Variants in AKR1B10 observed in about 807,000 individuals in gnomAD.
The protein encoded by AKR1B10 is ARP.
A neutral mutation model predicts 38.9 loss-of-function variants in AKR1B10; 39 were observed. That is an observed-to-expected ratio of 1.00 (90% confidence interval 0.78 to 1.31). The LOEUF (loss-of-function observed/expected upper bound fraction) is 1.31, where lower values mean the gene tolerates loss of function less well. AKR1B10 is among the 50% of genes most tolerant of loss of function. The pLI is 0.00. For missense variants in AKR1B10, 361 were observed against 382.6 expected (o/e 0.94, Z 0.47); for synonymous variants, 148 against 141.2 (o/e 1.05, Z -0.34).
At position 134,533,137 on chromosome 7, in the gene AKR1B10, A is replaced by T. The variant is rs564031180; in HGVS notation, c.429+56A>T. On this transcript the variant is annotated intron_variant, in intron 4 of 9. Transcript: ENST00000359579. ...GGAGAGAAATCTTCAGTTATCCATGAGATTCGCATGGATATGAATGAGGCC... is the reference window on the plus strand; with the variant it reads ...GGAGAGAAATCTTCAGTTATCCATGTGATTCGCATGGATATGAATGAGGCC... 3.6e-6 allele frequency: 5 copies of T among 1,374,746 alleles called. No individual in the cohort carries two copies. In the African/African-American group the frequency reaches 5.9e-5, roughly 16 times the overall value. 85.2% of individuals were successfully genotyped at this position (1,374,746 alleles called of 1,614,324 possible).
At chr7:134,533,746 A>G (rs573536469) in intron 4 of AKR1B10, among the ~76,000 whole-genome samples, 1 of 152,298 alleles carries the variant, frequency 6.6e-6, no homozygotes, top group African/African-American at 2.4e-5. Flanking sequence ...ACATCCAGAA[A>G]TCAGGGAGCC....
chr7:134,532,591 C>T (rs1323654275), intron 3 of AKR1B10, among the ~76,000 whole-genome samples: 1 of 152,150 alleles, frequency 6.6e-6, no homozygotes, highest in African/African-American at 2.4e-5. Flanking sequence ...TGGCCTGCCA[C>T]CCCTAATTCC....
At chr7:134,540,990 G>A in intron 9 of AKR1B10, 57 bp from the exon 10 acceptor site, 1 of 1,259,774 alleles carries the variant, frequency 7.9e-7, no homozygotes, top group South Asian at 1.2e-5. Flanking sequence ...CTCAACCAGA[G>A]TTGTTGTTTT....
rs201931122 is a variant in AKR1B10, at chr7:134,533,036, A to C, written c.384A>C (p.Lys128Asn). The C allele has an allele frequency of 1.2e-6, 2 of 1,601,648 alleles. No individual in the cohort carries two copies. Among genetic ancestry groups the C allele is most frequent in the Admixed American group, 1.8e-5 (1 of 56,990 alleles). The change falls in exon 4 of 10, where the codon AAA (lysine) becomes AAC (asparagine). Residue 128 changes from lysine (K) to asparagine (N), a missense_variant. Lys to Asn is a moderately conservative substitution (Grantham distance 94). This residue lies in a region of AKR1B10 where 220 missense variants were observed against 216.1 expected (regional missense o/e 1.02). Transcript: ENST00000359579. The stretch of plus-strand genomic sequence containing the variant: ...ATGACCTTTTCCCCAAAGATGATAA[A>C]GGTAATGCCATCGGTGGAAAAGCAA... ...SGDDLFPKDD[K>N]GNAIGGKATF...
Position 134,539,594 on chromosome 7 carries a change from GC to G in AKR1B10, c.908+578del, listed in dbSNP as rs556017814. Among the ~76,000 whole-genome samples, 8 of 152,230 alleles carry G rather than the reference GC, an allele frequency of 5.3e-5. No homozygotes were observed. The South Asian group carries it at 1.7e-3, about 32-fold the overall frequency. ...CATATTTGGGGGAAGAGCATTCTTGGCGGTGATAACAGCAGGTGCAAAGTCC... is the reference window on the plus strand; with the variant it reads ...CATATTTGGGGGAAGAGCATTCTTGGGGTGATAACAGCAGGTGCAAAGTCC... On this transcript the variant is annotated intron_variant, in intron 9 of 9. Coordinates refer to ENST00000359579, the MANE Select transcript of AKR1B10 (RefSeq NM_020299.5).
Position 134,527,919 on chromosome 7 carries a change from C to T in AKR1B10, c.8C>T (p.Thr3Met), listed in dbSNP as rs1562928667. Residue 3 changes from threonine (T) to methionine (M), a missense_variant, in exon 1 of 10, where the codon ACG (threonine) becomes ATG (methionine). This residue lies in a region of AKR1B10 where 220 missense variants were observed against 216.1 expected (regional missense o/e 1.02). Transcript: ENST00000359579. ...ATCATTTCTGCACCAACCATGGCCA[C>T]GTTTGTGGAGCTCAGTACCAAAGCC... Reference protein sequence around the residue: MATFVELSTKAKM... With the variant: MAMFVELSTKAKM... 5 of 1,613,498 alleles carry T rather than the reference C, an allele frequency of 3.1e-6. No homozygotes were observed. Among genetic ancestry groups the T allele is most frequent in the East Asian group, 4.5e-5 (2 of 44,854 alleles).
At position 134,530,637 on chromosome 7, in the gene AKR1B10, T is replaced by A. The variant is rs1281215079; in HGVS notation, c.67-6T>A. 1.2e-6 allele frequency: 2 copies of A among 1,613,762 alleles called. No homozygotes were observed. Among genetic ancestry groups the A allele is most frequent in the Non-Finnish European group, 1.7e-6 (2 of 1,179,852 alleles). ...ATATGTGATGAGCTTTTCTTTTGCC[T>A]TTCAGTCTCCTCTTGGCAAAGTGAA... On this transcript the variant is annotated splice_polypyrimidine_tract_variant and splice_region_variant and intron_variant, in intron 1 of 9. Coordinates refer to ENST00000359579, the MANE Select transcript of AKR1B10 (RefSeq NM_020299.5).
intron 4 of AKR1B10, among the ~76,000 whole-genome samples, chr7:134,534,666 A>G (rs1487204162): frequency 6.6e-6 from 1 of 152,226 alleles, no homozygotes; most frequent in African/African-American, 2.4e-5. Flanking sequence ...CAACCAGTTC[A>G]GTAGAAACCT....
In AKR1B10 at chr7:134,536,581, G is replaced by A. The variant is rs2347378; in HGVS notation, c.430-69G>A. The A allele has an allele frequency of 1.9e-3, 2,963 of 1,567,228 alleles. 51 individuals are homozygous for A. In the African/African-American group the frequency reaches 0.037, roughly 19 times the overall value. On this transcript the variant is annotated intron_variant, in intron 4 of 9. Transcript: ENST00000359579. ...CCTTTAGCAATTTCTGCCCCAGGGA[G>A]GACTAAGGCAAGCCAGGGTCCCTGT...
At chr7:134,533,974 G>C (rs187623945) in intron 4 of AKR1B10, among the ~76,000 whole-genome samples, 17 of 152,264 alleles carry the variant, frequency 1.1e-4, no homozygotes, top group African/African-American at 3.4e-4. Context: ...GTGTAGGTGT[G>C]CATGTAGTTG....
At chr7:134,534,019 T>C (rs79167112) in intron 4 of AKR1B10, among the ~76,000 whole-genome samples, 117 of 152,314 alleles carry the variant, frequency 7.7e-4, no homozygotes, top group African/African-American at 2.5e-3. Flanking sequence ...CAAAAATATA[T>C]TATGTTTCAA....
At chr7:134,539,785 C>G (rs1044118908) in intron 9 of AKR1B10, among the ~76,000 whole-genome samples, 4 of 152,188 alleles carry the variant, frequency 2.6e-5, no homozygotes, top group African/African-American at 7.2e-5. Context: ...TCTAAATCAT[C>G]TCTTTACAAG....
At chr7:134,536,071 G>T (rs1807993140) in intron 4 of AKR1B10, among the ~76,000 whole-genome samples, 1 of 152,230 alleles carries the variant, frequency 6.6e-6, no homozygotes, top group Admixed American at 6.5e-5. Flanking sequence ...CCATGGCCGG[G>T]TGCCCCTATC....
chr7:134,538,769 G>A (rs1268240856), intron 8 of AKR1B10, among the ~76,000 whole-genome samples, 166 bp from the exon 9 acceptor site: 1 of 152,188 alleles, frequency 6.6e-6, no homozygotes, highest in African/African-American at 2.4e-5. Context: ...CTTTGTGTAG[G>A]ACCTAATTTA....
At chr7:134,540,903 G>A (rs79434791) in intron 9 of AKR1B10, 144 bp from the exon 10 acceptor site, 8 of 653,700 alleles carry the variant, frequency 1.2e-5, no homozygotes, top group Non-Finnish European at 2.1e-5. Flanking sequence ...CAAAGTGTGG[G>A]CACCCTCCTT....
intron 1 of AKR1B10, among the ~76,000 whole-genome samples, chr7:134,529,537 G>A (rs1011037642): frequency 1.3e-5 from 2 of 152,184 alleles, no homozygotes; most frequent in African/African-American, 4.8e-5. Flanking sequence ...GAAGAAGGGT[G>A]TAGCGTAGCG....
In AKR1B10 at chr7:134,541,194, T is replaced by G. The variant is rs1335919811; in HGVS notation, c.*105T>G. The stretch of plus-strand genomic sequence containing the variant: ...TAGCCAAGCTTATTTAAGATCACAG[T>G]GAACTTAGTCCTGTTATAGACGAGA... On this transcript the variant is annotated 3_prime_UTR_variant, in exon 10 of 10. Transcript: ENST00000359579. The G allele has an allele frequency of 3.5e-6, 3 of 861,422 alleles. No homozygotes were observed. The highest frequency in any genetic ancestry group is 5.6e-6 in the Non-Finnish European group (3 of 540,474). 53.4% of individuals were successfully genotyped at this position (861,422 alleles called of 1,614,324 possible).
chr7:134,538,603 C>T (rs1314698294), intron 8 of AKR1B10, among the ~76,000 whole-genome samples: 1 of 152,138 alleles, frequency 6.6e-6, no homozygotes, highest in East Asian at 1.9e-4. Flanking sequence ...CCTCCCTGCT[C>T]ACTTCCCGGC....
chr7:134,539,070 T>C (rs1247533243), intron 9 of AKR1B10, 53 bp downstream of exon 9: 14 of 1,598,614 alleles, frequency 8.8e-6, no homozygotes, highest in Non-Finnish European at 1.2e-5. Flanking sequence ...TCTAAACTAA[T>C]AGAGGGTTAG....
Sources: gnomAD v4.1 joint callset for allele counts (sites outside exome capture counted in the v4.1 genomes callset) on GRCh38, gnomAD v4.1.1 for gene constraint, gnomAD v4.1.1 regional missense constraint, MANE v1.5 for transcripts, NCBI Gene and HGNC (gene_info 2026-07-23, HGNC 2026-07-21) for gene names.